Variants in FAM222A observed in about 807,000 individuals in gnomAD.
FAM222A encodes protein FAM222A.
A neutral mutation model predicts 25.8 loss-of-function variants in FAM222A; 7 were observed. The observed-to-expected ratio is 0.27, with a 90% CI of 0.15 to 0.51. The LOEUF (loss-of-function observed/expected upper bound fraction) is 0.51. FAM222A is among the 20% of genes least tolerant of loss of function. The probability of loss-of-function intolerance (pLI) is 0.97; values close to 1 mark genes in which losing one functional copy is unlikely to be tolerated. For missense variants in FAM222A, 573 were observed against 640.5 expected (o/e 0.89, Z 1.14); for synonymous variants, 294 against 298.8 (o/e 0.98, Z 0.17).
intron 1 of FAM222A, among the ~76,000 whole-genome samples, chr12:109,740,274 T>C (rs1243491274): frequency 1.3e-5 from 2 of 152,130 alleles, no homozygotes; most frequent in Admixed American, 1.3e-4. Flanking sequence ...GGGGACCTTT[T>C]CCTCGGGTGT....
rs763606174 is a variant in FAM222A, at chr12:109,769,086, A to G, written c.1157A>G (p.Asp386Gly). The G allele has an allele frequency of 2.2e-5, 36 of 1,605,886 alleles. No homozygotes were observed. The South Asian group carries it at 3.9e-4, about 17-fold the overall frequency. ...CGGGAGCTGGCTGGGCCCCCTGCAGATGCCCTCTCGGGCCTGCCCAGCAAG... is the reference window on the plus strand; with the variant it reads ...CGGGAGCTGGCTGGGCCCCCTGCAGGTGCCCTCTCGGGCCTGCCCAGCAAG... ...AARELAGPPA[D>G]ALSGLPSKSV... Residue 386 changes from aspartate (D) to glycine (G), a missense_variant, in exon 3 of 3, where the codon GAT becomes GGT. By Grantham distance (94) the Asp-to-Gly change is moderately conservative. Coordinates refer to ENST00000538780, the MANE Select transcript of FAM222A (RefSeq NM_032829.3).
At chr12:109,755,291 T>C (rs1465554990) in intron 2 of FAM222A, among the ~76,000 whole-genome samples, 1 of 5,090 alleles carries the variant, frequency 2.0e-4, no homozygotes, top group African/African-American at 5.6e-4. Flanking sequence ...ATTCTTCTTT[T>C]TTTTTTTTTT....
chr12:109,770,494 CAGAT>C (rs915350982), exon 3 of FAM222A: 13 of 152,464 alleles, frequency 8.5e-5, no homozygotes, highest in African/African-American at 3.1e-4. Flanking sequence ...AAGGAAAACA[CAGAT>C]GGTGTCTCAG....
intron 1 of FAM222A, among the ~76,000 whole-genome samples, chr12:109,720,600 C>T (rs1482423247): frequency 1.3e-5 from 2 of 152,274 alleles, no homozygotes; most frequent in Non-Finnish European, 2.9e-5. Context: ...TTGGCAGTAA[C>T]CGATAGCCAA....
intron 2 of FAM222A, among the ~76,000 whole-genome samples, chr12:109,752,263 G>C (rs1888582990): frequency 6.6e-6 from 1 of 152,230 alleles, no homozygotes; most frequent in African/African-American, 2.4e-5. Flanking sequence ...CGCCCATTCA[G>C]ATCCTTTGAC....
At position 109,769,110 on chromosome 12, in the gene FAM222A, A is replaced by G; in HGVS notation, c.1181A>G (p.Lys394Arg). 6.2e-7 allele frequency: 1 copy of G among 1,611,270 alleles called. No individual in the cohort carries two copies. The highest frequency in any genetic ancestry group is 8.5e-7 in the Non-Finnish European group (1 of 1,179,310). The change falls in exon 3 of 3, where the codon AAG becomes AGG. Residue 394 changes from lysine to arginine, a missense_variant. Physicochemically the swap from Lys to Arg is conservative, Grantham distance 26 (BLOSUM62 2). Transcript: ENST00000538780. ...PADALSGLPSKSVCNTSVLSS... is the reference protein window; with the variant it reads ...PADALSGLPSRSVCNTSVLSS... ...GATGCCCTCTCGGGCCTGCCCAGCA[A>G]GAGTGTGTGCAACACATCGGTGCTG...
In FAM222A at chr12:109,768,761, TACGCAGACAGCGGC is replaced by T. The variant is rs759692083; in HGVS notation, c.833_846del (p.Tyr278SerfsTer32). On this transcript the variant is annotated frameshift_variant, in exon 3 of 3. Transcript: ENST00000538780. LOFTEE classifies it high-confidence loss of function. Reference sequence around the variant, plus strand: ...GGCTGGGGCCGCCAAGCCTGCAGGGTACGCAGACAGCGGCCTGGATTACCTGCTGTGGCCGCAGA... The same window carrying T: ...GGCTGGGGCCGCCAAGCCTGCAGGGTCTGGATTACCTGCTGTGGCCGCAGA... 2.9e-5 allele frequency: 46 copies of T among 1,582,080 alleles called. No homozygotes were observed. The East Asian group carries it at 1.0e-3, about 34-fold the overall frequency.
At chr12:109,753,629 C>T (rs544890382) in intron 2 of FAM222A, among the ~76,000 whole-genome samples, 1 of 152,148 alleles carries the variant, frequency 6.6e-6, no homozygotes, top group African/African-American at 2.4e-5. Flanking sequence ...CCATATTGCT[C>T]GTGATAGATG....
In FAM222A at chr12:109,768,584, G is replaced by T. The variant is rs1889135109; in HGVS notation, c.655G>T (p.Ala219Ser). The T allele has an allele frequency of 2.5e-6, 4 of 1,601,884 alleles. No individual in the cohort carries two copies. The highest frequency in any genetic ancestry group is 2.5e-6 in the Non-Finnish European group (3 of 1,176,520). Residue 219 changes from alanine to serine, a missense_variant, in exon 3 of 3, where the codon GCC becomes TCC. Coordinates refer to ENST00000538780, the MANE Select transcript of FAM222A (RefSeq NM_032829.3). ...QCQAPGAAPP[A>S]CQGMAIPHPS... ...CCAGGCCCCGGGCGCCGCACCCCCT[G>T]CCTGCCAGGGCATGGCTATTCCCCA...
intron 2 of FAM222A, among the ~76,000 whole-genome samples, chr12:109,759,267 G>A (rs540996843): frequency 6.6e-5 from 10 of 152,272 alleles, no homozygotes; most frequent in Non-Finnish European, 1.0e-4. Context: ...GATGGTGAGG[G>A]CTGAAGAACA....
rs766987912 is a variant in FAM222A, at chr12:109,749,688, C to T, written c.82+5460C>T. ...AGAGAAAGGAACTAGACACCTACTG[C>T]TAACATGTTCCTGTCTATGTCTTCT... is the stretch of plus-strand genomic sequence containing the variant. On this transcript the variant is annotated intron_variant, in intron 2 of 2. Transcript: ENST00000538780. 5.3e-4 allele frequency among the ~76,000 whole-genome samples: 80 copies of T among 152,204 alleles called. 1 individual carries two copies. The highest frequency in any genetic ancestry group is 1.7e-3 in the South Asian group (8 of 4,832).
intron 1 of FAM222A, among the ~76,000 whole-genome samples, chr12:109,737,962 G>C (rs1263152852): frequency 1.3e-5 from 2 of 152,148 alleles, no homozygotes; most frequent in African/African-American, 4.8e-5. Flanking sequence ...GAGACAAGCG[G>C]GGTGGGAGAG....
chr12:109,718,042 C>T (rs552812828), intron 1 of FAM222A, among the ~76,000 whole-genome samples: 1 of 152,310 alleles, frequency 6.6e-6, no homozygotes, highest in South Asian at 2.1e-4. Flanking sequence ...CTCTCTGAGC[C>T]CCAGTTTACT....
At chr12:109,733,639 G>A (rs1015093586) in intron 1 of FAM222A, among the ~76,000 whole-genome samples, 8 of 152,078 alleles carry the variant, frequency 5.3e-5, no homozygotes, top group South Asian at 2.1e-4. Context: ...TCCTGTCCTC[G>A]TGATCTGCCC....
chr12:109,739,521 A>G (rs1238472966), intron 1 of FAM222A, among the ~76,000 whole-genome samples: 1 of 152,200 alleles, frequency 6.6e-6, no homozygotes, highest in South Asian at 2.1e-4. Context: ...GTTCTGCCCA[A>G]TGCTGGCCTC....
At chr12:109,751,852 A>G (rs1008438626) in intron 2 of FAM222A, among the ~76,000 whole-genome samples, 1 of 152,000 alleles carries the variant, frequency 6.6e-6, no homozygotes, top group African/African-American at 2.4e-5. Context: ...TCTTAGCCCT[A>G]CTTGATCTCT....
At chr12:109,749,295 G>T (rs137918282) in intron 2 of FAM222A, among the ~76,000 whole-genome samples, 102 of 152,142 alleles carry the variant, frequency 6.7e-4, no homozygotes, top group African/African-American at 2.2e-3. Flanking sequence ...TAGTAGAGAC[G>T]GGGTTTCTCC....
At position 109,755,287 on chromosome 12, in the gene FAM222A, CTTTTTTTTTTTTTTTTTTTTTT is replaced by C. The variant is rs540689300; in HGVS notation, c.82+11080_82+11101del. 9.1e-4 allele frequency among the ~76,000 whole-genome samples: 45 copies of C among 49,428 alleles called. No homozygotes were observed. The South Asian group carries it at 0.036, about 39-fold the overall frequency. 32.4% of individuals were successfully genotyped at this position (49,428 alleles called of 152,430 possible). A position where few individuals can be genotyped will look rare whatever the true frequency, so the allele number is the denominator to read the frequency against. On this transcript the variant is annotated intron_variant, in intron 2 of 2. Coordinates refer to ENST00000538780, the MANE Select transcript of FAM222A (RefSeq NM_032829.3). The stretch of plus-strand genomic sequence containing the variant: ...TCTTCCATTTAGGTCTGTAATTCTT[CTTTTTTTTTTTTTTTTTTTTTT>C]TTTTTTTTTTTTTTTTTTTTGAGAC...
In FAM222A at chr12:109,768,555, A is replaced by C. The variant is rs1376863601; in HGVS notation, c.626A>C (p.Gln209Pro). ...IHSLLYQLNQQCQAPGAAPPA... is the reference protein window; with the variant it reads ...IHSLLYQLNQPCQAPGAAPPA... ...AGCCTCCTGTACCAGCTCAACCAGC[A>C]GTGCCAGGCCCCGGGCGCCGCACCC... Residue 209 changes from glutamine to proline, a missense_variant, in exon 3 of 3, where the codon CAG (glutamine) becomes CCG (proline). Physicochemically the swap from Gln to Pro is moderately conservative, Grantham distance 76. Coordinates refer to ENST00000538780, the MANE Select transcript of FAM222A (RefSeq NM_032829.3). 6.2e-7 allele frequency: 1 copy of C among 1,602,534 alleles called. No individual in the cohort carries two copies. The highest frequency in any genetic ancestry group is 8.5e-7 in the Non-Finnish European group (1 of 1,175,472).
Sources: allele counts gnomAD v4.1 joint callset (sites outside exome capture counted in the v4.1 genomes callset), GRCh38; gene constraint gnomAD v4.1.1; transcripts MANE v1.5; gene names NCBI Gene and HGNC (gene_info 2026-07-23, HGNC 2026-07-21).